Variants in CYGB observed in about 807,000 individuals in gnomAD.
CYGB encodes the protein histoglobin.
Under a neutral mutation model 20.7 loss-of-function variants are expected in CYGB, and 13 were observed. The observed-to-expected ratio is 0.63, with a 90% CI of 0.41 to 1.00. CYGB has a LOEUF of 1.00. CYGB is among the 50% of genes least tolerant of loss of function. The probability of loss-of-function intolerance (pLI) is 0.00; values close to 1 mark genes in which losing one functional copy is unlikely to be tolerated. For missense variants in CYGB, 218 were observed against 257.2 expected, an observed-to-expected ratio of 0.85 and a Z score of 1.04; for synonymous variants, 93 against 107.4, an observed-to-expected ratio of 0.87 and a Z score of 0.83.
At position 76,530,137 on chromosome 17, in the gene CYGB, C is replaced by A; in HGVS notation, c.539+842G>T. 1 of 971,532 alleles carries A rather than the reference C, an allele frequency of 1.0e-6. No individual in the cohort carries two copies. The allele number at this position is 971,532 out of a possible 1,614,324, so 60.2% of individuals were successfully genotyped here. A position where few individuals can be genotyped will look rare whatever the true frequency, so the allele number is the denominator to read the frequency against. On this transcript the variant is annotated intron_variant, in intron 3 of 3. Coordinates refer to ENST00000293230, the MANE Select transcript of CYGB (RefSeq NM_134268.5). The surrounding 1 kb of genome is among the most constrained non-coding windows in gnomAD (Gnocchi z 6.1). ...CTCTACCACGGGAATGTTTCTCTAC[C>A]ACGCGTGTCCCGGGCTGCTGGCTGA...
At chr17:76,540,535 G>A (rs2074978795), upstream of CYGB, 1 of 1,613,680 alleles carries the variant, frequency 6.2e-7, no homozygotes, top group Non-Finnish European at 8.5e-7. This position sits in a 1 kb window ranked among gnomAD's most constrained non-coding sequence, Gnocchi z 5.0. Flanking sequence ...GGGCAGCTAG[G>A]GGCAGCAGCT....
At chr17:76,541,212 A>G (rs2074989299), upstream of CYGB, among the ~76,000 whole-genome samples, 1 of 152,194 alleles carries the variant, frequency 6.6e-6, no homozygotes, top group Non-Finnish European at 1.5e-5. Flanking sequence ...CGCCTATCCC[A>G]ACCAAACACT....
upstream of CYGB, chr17:76,540,553 G>T (rs750104756): frequency 1.2e-5 from 19 of 1,613,356 alleles, no homozygotes; most frequent in African/African-American, 2.1e-4. This position sits in a 1 kb window ranked among gnomAD's most constrained non-coding sequence, Gnocchi z 5.0. Context: ...GCTTGGATGC[G>T]GACCCTCAGT....
chr17:76,547,419 C>G (rs12051905), intron 1 of CYGB: 148,870 of 152,718 alleles, frequency 0.97, 72,677 homozygotes, highest in Middle Eastern at 1. Context: ...AGGGTGCAGG[C>G]CATGGAGACC....
chr17:76,550,608 G>A (rs920329285), intron 1 of CYGB: 1 of 152,216 alleles, frequency 6.6e-6, no homozygotes, highest in Non-Finnish European at 1.5e-5. Context: ...TCTTAACTGG[G>A]ATTGTGGTTA....
intron 1 of CYGB, among the ~76,000 whole-genome samples, chr17:76,534,801 G>C (rs969252690): frequency 2.0e-5 from 3 of 152,218 alleles, no homozygotes; most frequent in Non-Finnish European, 4.4e-5. Flanking sequence ...CCACCACCGG[G>C]TTGTGGCCCT....
chr17:76,534,459 G>C (rs2074892450), intron 1 of CYGB, among the ~76,000 whole-genome samples: 1 of 152,218 alleles, frequency 6.6e-6, no homozygotes, highest in South Asian at 2.1e-4. Flanking sequence ...GATTACAGGT[G>C]TGAGCCACGG....
At position 76,531,163 on chromosome 17, in the gene CYGB, G is replaced by C. The variant is rs1339545047; in HGVS notation, c.376-21C>G. On this transcript the variant is annotated intron_variant, in intron 2 of 3. Coordinates refer to ENST00000293230, the MANE Select transcript of CYGB (RefSeq NM_134268.5). This position sits in a 1 kb window ranked among gnomAD's most constrained non-coding sequence, Gnocchi z 7.4. ...AGGATCTGGGGGCAAAGGGAGGAAG[G>C]GGGAGTGAACGCCCGGGCGCCCTGC... 1.2e-6 allele frequency: 2 copies of C among 1,607,088 alleles called. No homozygotes were observed. The highest frequency in any genetic ancestry group is 1.7e-6 in the Non-Finnish European group (2 of 1,175,458).
At position 76,527,784 on chromosome 17, in the gene CYGB, G is replaced by A. The variant is rs1305503196; in HGVS notation, c.*794C>T. The A allele has an allele frequency of 2.2e-6, 1 of 453,920 alleles. No individual in the cohort carries two copies. Among genetic ancestry groups the A allele is most frequent in the African/African-American group, 2.0e-5 (1 of 49,994 alleles). The allele number at this position is 453,920 out of a possible 1,614,324, so 28.1% of individuals were successfully genotyped here. On this transcript the variant is annotated 3_prime_UTR_variant, in exon 4 of 4. Coordinates refer to ENST00000293230, the MANE Select transcript of CYGB (RefSeq NM_134268.5). ...GGACTGAGGCCCCTCCCCCAGTGCGGTCATCCCACCCAGAACTTCGCTCTG... is the reference window on the plus strand; with the variant it reads ...GGACTGAGGCCCCTCCCCCAGTGCGATCATCCCACCCAGAACTTCGCTCTG...
At chr17:76,544,588 C>A (rs1176289876) in intron 1 of CYGB, 1 of 456,606 alleles carries the variant, frequency 2.2e-6, no homozygotes, top group African/African-American at 2.0e-5. Context: ...AGAGCGCCAG[C>A]CTGACCCAGG....
In CYGB at chr17:76,531,213, G is replaced by T. The variant is rs1364064899; in HGVS notation, c.376-71C>A. The T allele has an allele frequency of 3.1e-5, 46 of 1,473,228 alleles. No homozygotes were observed. In the South Asian group the frequency reaches 5.4e-4, roughly 17 times the overall value. 91.3% of individuals were successfully genotyped at this position (1,473,228 alleles called of 1,614,324 possible). A position where few individuals can be genotyped will look rare whatever the true frequency, so the allele number is the denominator to read the frequency against. On this transcript the variant is annotated intron_variant, in intron 2 of 3. Coordinates refer to ENST00000293230, the MANE Select transcript of CYGB (RefSeq NM_134268.5). This position sits in a 1 kb window ranked among gnomAD's most constrained non-coding sequence, Gnocchi z 7.4. The stretch of plus-strand genomic sequence containing the variant: ...CGTCCTGCAACCCCCAGGCCCCTCC[G>T]CCCCACGTGTGGCCGAGAGGATCAT...
chr17:76,544,177 T>C (rs1200407674), intron 1 of CYGB: 2 of 454,368 alleles, frequency 4.4e-6, no homozygotes, highest in African/African-American at 4.0e-5. Flanking sequence ...GTCTCACAGC[T>C]ATTAGTCTTC....
chr17:76,529,304 C>G, intron 3 of CYGB: 1 of 985,474 alleles, frequency 1.0e-6, no homozygotes, highest in Non-Finnish European at 1.2e-6. Flanking sequence ...CACCACTTGA[C>G]AGCTGGGAGT....
Position 76,545,506 on chromosome 17 carries a change from A to C in CYGB, c.-53+5356T>G, listed in dbSNP as rs866885312. On this transcript the variant is annotated intron_variant, in intron 1 of 3. Coordinates refer to the CYGB transcript ENST00000589145. ...AGCTAGAGAGGGAGAGCTGAGCCAA[A>C]GGGTGGGGTCCCTTCTGGTCTAGGG... 5 of 394,102 alleles carry C rather than the reference A, an allele frequency of 1.3e-5. No individual in the cohort carries two copies. The Admixed American group carries it at 1.4e-4, about 11-fold the overall frequency. The allele number at this position is 394,102 out of a possible 1,614,324, so 24.4% of individuals were successfully genotyped here. A position where few individuals can be genotyped will look rare whatever the true frequency, so the allele number is the denominator to read the frequency against.
At chr17:76,540,665 G>A (rs905206727), upstream of CYGB, 5 of 1,273,924 alleles carry the variant, frequency 3.9e-6, no homozygotes, top group Admixed American at 1.8e-5. This position sits in a 1 kb window ranked among gnomAD's most constrained non-coding sequence, Gnocchi z 5.0. Flanking sequence ...GCCTGTGCGC[G>A]CCTGTGCGTG....
rs2074828063 is a variant in CYGB, at chr17:76,530,850, G to C, written c.539+129C>G. ...GCCTGTTCTTACATGTCAGACCCCA[G>C]GGTTGGCCTGCCTCAAGTGTGCCTG... On this transcript the variant is annotated intron_variant, in intron 3 of 3. Transcript: ENST00000293230. This position sits in a 1 kb window ranked among gnomAD's most constrained non-coding sequence, Gnocchi z 6.1. 1 of 1,034,564 alleles carries C rather than the reference G, an allele frequency of 9.7e-7. No homozygotes were observed. Among genetic ancestry groups the C allele is most frequent in the Non-Finnish European group, 1.4e-6 (1 of 727,432 alleles). 64.1% of individuals were successfully genotyped at this position (1,034,564 alleles called of 1,614,324 possible).
At chr17:76,539,159 C>A (rs559842098), upstream of CYGB, among the ~76,000 whole-genome samples, 1 of 152,146 alleles carries the variant, frequency 6.6e-6, no homozygotes. Flanking sequence ...GGTTCTCACA[C>A]CACTCCCAGA....
chr17:76,528,114 A>G lies in CYGB; in HGVS notation c.*464T>C, dbSNP rs966644682. The G allele has an allele frequency of 3.7e-5, 15 of 408,950 alleles. No homozygotes were observed. The highest frequency in any genetic ancestry group is 5.7e-5 in the Non-Finnish European group (13 of 229,028). The allele number at this position is 408,950 out of a possible 1,614,324, so 25.3% of individuals were successfully genotyped here. ...CCGCGGATACACATTCTAGATATGT[A>G]TGTGTGTATATATATATGTATATAT... On this transcript the variant is annotated 3_prime_UTR_variant, in exon 4 of 4. Transcript: ENST00000293230. This position sits in a 1 kb window ranked among gnomAD's most constrained non-coding sequence, Gnocchi z 5.8.
upstream of CYGB, chr17:76,538,586 A>G (rs1159494263): frequency 2.3e-6 from 1 of 440,644 alleles, no homozygotes; most frequent in Admixed American, 2.6e-5. Flanking sequence ...TAGGGCAGAC[A>G]GGACCTGGCA....
Sources: allele counts gnomAD v4.1 joint callset (sites outside exome capture counted in the v4.1 genomes callset), GRCh38; gene constraint gnomAD v4.1.1; non-coding constraint Gnocchi (gnomAD v3.1); transcripts MANE v1.5; gene names NCBI Gene and HGNC (gene_info 2026-07-23, HGNC 2026-07-21).